The following CCDC83 variants were observed in gnomAD, a reference collection of about 807,000 sequenced individuals.
CCDC83 encodes coiled-coil domain-containing protein 83.
Under a neutral mutation model 50.1 loss-of-function variants are expected in CCDC83, and 54 were observed. The observed-to-expected ratio is 1.08, with a 90% CI of 0.87 to 1.35. CCDC83 has a LOEUF of 1.35. CCDC83 is among the 40% of genes most tolerant of loss of function. The probability of loss-of-function intolerance (pLI) is 0.00; values close to 1 mark genes in which losing one functional copy is unlikely to be tolerated. For missense variants in CCDC83, 518 were observed against 473.9 expected (o/e 1.09, Z -0.86); for synonymous variants, 161 against 153.3 (o/e 1.05, Z -0.37).
chr11:85,855,822 T>G (rs1281777065), intron 1 of CCDC83, among the ~76,000 whole-genome samples: 1 of 152,220 alleles, frequency 6.6e-6, no homozygotes, highest in Non-Finnish European at 1.5e-5. Context: ...TCGGTCTTGC[T>G]TCTCTTAGTG....
chr11:85,863,503 G>A (rs2093189525), intron 1 of CCDC83, among the ~76,000 whole-genome samples: 1 of 152,182 alleles, frequency 6.6e-6, no homozygotes, highest in Non-Finnish European at 1.5e-5. Context: ...GGAAAGTATT[G>A]TGGTATATTT....
At chr11:85,901,192 C>T (rs997701258) in intron 7 of CCDC83, among the ~76,000 whole-genome samples, 2 of 152,012 alleles carry the variant, frequency 1.3e-5, no homozygotes, top group Admixed American at 6.6e-5. Context: ...CATGGTGAAA[C>T]TCCATCTCAA....
chr11:85,882,593 G>T lies in CCDC83; in HGVS notation c.261G>T (p.Leu87Phe), dbSNP rs2093306513. ...KELSEEKAEG[L>F]PVVTREDVEE... is the part of the protein sequence containing the mutation. ...TGAGTGAAGAGAAGGCAGAGGGATT[G>T]CCAGTTGTAACAAGAGAGGATGTTG... Residue 87 changes from leucine (L) to phenylalanine (F), a missense_variant, in exon 4 of 11, where the codon TTG becomes TTT. By Grantham distance (22) the Leu-to-Phe change is conservative (BLOSUM62 0). Coordinates refer to ENST00000342404, the MANE Select transcript of CCDC83 (RefSeq NM_001286159.2). 6.2e-7 allele frequency: 1 copy of T among 1,613,992 alleles called. No individual in the cohort carries two copies. Among genetic ancestry groups the T allele is most frequent in the East Asian group, 2.2e-5 (1 of 44,872 alleles).
Position 85,916,056 on chromosome 11 carries a change from A to G in CCDC83, c.903A>G (p.Glu301=), listed in dbSNP as rs200417028. The change falls in exon 10 of 11, where the codon GAA becomes GAG. Residue 301 remains glutamate, a synonymous_variant. Transcript: ENST00000342404. ...IEEKSELQPT[E]VESRDLMSSS... ...AGAAGTCAGAATTGCAACCCACAGA[A>G]GTAGAAAGTAGAGACTTGATGTCCT... The G allele has an allele frequency of 3.1e-6, 5 of 1,611,874 alleles. No individual in the cohort carries two copies. The highest frequency in any genetic ancestry group is 3.4e-6 in the Non-Finnish European group (4 of 1,178,916).
chr11:85,915,954 C>T lies in CCDC83; in HGVS notation c.875-74C>T, dbSNP rs1471579970. On this transcript the variant is annotated intron_variant, in intron 9 of 10. Transcript: ENST00000342404. The stretch of plus-strand genomic sequence containing the variant: ...AAGTTCCATCCAATTAAAAATGTGA[C>T]AAAGTATGTATTGCATTTTTATTTG... 4.0e-6 allele frequency: 4 copies of T among 1,001,910 alleles called. No homozygotes were observed. The African/African-American group carries it at 6.6e-5, about 16-fold the overall frequency. The allele number at this position is 1,001,910 out of a possible 1,614,324, so 62.1% of individuals were successfully genotyped here. A position where few individuals can be genotyped will look rare whatever the true frequency, so the allele number is the denominator to read the frequency against.
chr11:85,875,798 T>A (rs745812261), intron 3 of CCDC83, among the ~76,000 whole-genome samples: 10 of 152,210 alleles, frequency 6.6e-5, no homozygotes, highest in Non-Finnish European at 1.5e-4. Flanking sequence ...CTACACATCA[T>A]CTCTTCCTAT....
chr11:85,865,248 G>A lies in CCDC83; in HGVS notation c.95+30G>A, dbSNP rs765143778. On this transcript the variant is annotated intron_variant, in intron 2 of 10. Transcript: ENST00000342404. ...GTTTTTATTCTGAAATCTGAAAGTTGCCATAGATAAAAGGCAGTCATTGTT... is the reference window on the plus strand; with the variant it reads ...GTTTTTATTCTGAAATCTGAAAGTTACCATAGATAAAAGGCAGTCATTGTT... 3.9e-5 allele frequency: 52 copies of A among 1,347,910 alleles called. 1 individual carries two copies. The South Asian group carries it at 5.9e-4, about 15-fold the overall frequency. 83.5% of individuals were successfully genotyped at this position (1,347,910 alleles called of 1,614,324 possible).
intron 2 of CCDC83, among the ~76,000 whole-genome samples, chr11:85,872,132 T>C (rs2093241280): frequency 6.6e-6 from 1 of 152,050 alleles, no homozygotes; most frequent in African/African-American, 2.4e-5. Flanking sequence ...TTTGTATTTC[T>C]AGTAGGGACA....
intron 2 of CCDC83, among the ~76,000 whole-genome samples, chr11:85,871,494 TTCTC>T (rs2153683277): frequency 6.6e-6 from 1 of 152,310 alleles, no homozygotes; most frequent in Admixed American, 6.5e-5. Context: ...AGCCTAGTTT[TTCTC>T]TCTAATGAGT....
intron 2 of CCDC83, among the ~76,000 whole-genome samples, chr11:85,870,408 A>C (rs2093230339): frequency 6.6e-6 from 1 of 152,228 alleles, no homozygotes. Flanking sequence ...ATAACTGCAG[A>C]AATTATGTCA....
chr11:85,872,901 C>A (rs1222499551), intron 2 of CCDC83, among the ~76,000 whole-genome samples: 1 of 151,962 alleles, frequency 6.6e-6, no homozygotes, highest in African/African-American at 2.4e-5. Context: ...AGCATGTTTT[C>A]TGTATGCCCA....
At chr11:85,889,699 C>T (rs572721917) in intron 5 of CCDC83, among the ~76,000 whole-genome samples, 2 of 152,148 alleles carry the variant, frequency 1.3e-5, no homozygotes, top group Admixed American at 6.5e-5. Flanking sequence ...ACACAGGCTG[C>T]CTTCTTTCAT....
intron 5 of CCDC83, among the ~76,000 whole-genome samples, chr11:85,887,109 T>C (rs949243969): frequency 2.0e-5 from 3 of 152,106 alleles, no homozygotes; most frequent in Admixed American, 6.5e-5. Flanking sequence ...TCAATTAAGT[T>C]GTAACCAGGG....
intron 7 of CCDC83, among the ~76,000 whole-genome samples, chr11:85,909,417 T>C (rs1250659681): frequency 6.6e-6 from 1 of 152,136 alleles, no homozygotes; most frequent in Non-Finnish European, 1.5e-5. Context: ...TACCTCTTTC[T>C]ATTTTATGCT....
At chr11:85,895,060 C>T (rs1481520105) in intron 5 of CCDC83, among the ~76,000 whole-genome samples, 1 of 152,112 alleles carries the variant, frequency 6.6e-6, no homozygotes, top group African/African-American at 2.4e-5. Flanking sequence ...CTCTACTCTC[C>T]TCTCCTCGTT....
At chr11:85,911,800 A>G (rs1565157056) in intron 8 of CCDC83, among the ~76,000 whole-genome samples, 1 of 152,150 alleles carries the variant, frequency 6.6e-6, no homozygotes, top group African/African-American at 2.4e-5. Context: ...CATGGAGGTG[A>G]TCTGGGCTCC....
intron 5 of CCDC83, among the ~76,000 whole-genome samples, chr11:85,891,395 A>G (rs373916116): frequency 5.9e-5 from 9 of 152,186 alleles, no homozygotes; most frequent in African/African-American, 2.2e-4. Context: ...AGAATGGGAT[A>G]TTGGGATACT....
intron 2 of CCDC83, among the ~76,000 whole-genome samples, chr11:85,871,102 G>A (rs1592143380): frequency 6.6e-6 from 1 of 152,188 alleles, no homozygotes; most frequent in Non-Finnish European, 1.5e-5. Context: ...GGGAGGGGGA[G>A]TTTGCAGTGA....
At chr11:85,867,662 T>C (rs1025792984) in intron 2 of CCDC83, among the ~76,000 whole-genome samples, 9 of 152,252 alleles carry the variant, frequency 5.9e-5, no homozygotes, top group African/African-American at 2.2e-4. Flanking sequence ...GAATGTAACC[T>C]GGTCTCTAAT....
Sources: gnomAD v4.1 joint callset for allele counts (sites outside exome capture counted in the v4.1 genomes callset) on GRCh38, gnomAD v4.1.1 for gene constraint, MANE v1.5 for transcripts, NCBI Gene and HGNC (gene_info 2026-07-23, HGNC 2026-07-21) for gene names.